NTN1: variants seen among roughly 807,000 people sequenced by gnomAD.
The protein encoded by NTN1 is netrin 1, also known as netrin-1.
NTN1 carries 11 observed loss-of-function variants against 54.2 expected under a neutral mutation model. That is an observed-to-expected ratio of 0.20 (90% CI 0.13 to 0.34). The LOEUF (loss-of-function observed/expected upper bound fraction) is 0.34. Ranked by LOEUF, NTN1 falls within the 10% of genes least tolerant of loss-of-function variation. The pLI is 1.00. For missense variants in NTN1, 740 were observed against 893.1 expected, an observed-to-expected ratio of 0.83 and a Z score of 2.18; for synonymous variants, 371 against 382.0, an observed-to-expected ratio of 0.97 and a Z score of 0.33.
intron 5 of NTN1, among the ~76,000 whole-genome samples, chr17:9,194,355 C>T (rs1010807789): frequency 2.0e-5 from 3 of 152,204 alleles, no homozygotes; most frequent in Non-Finnish European, 4.4e-5. Flanking sequence ...GAAAGTGTTC[C>T]CTGTGTGGTA....
At chr17:9,180,485 C>T (rs2092415570) in intron 4 of NTN1, among the ~76,000 whole-genome samples, 1 of 152,164 alleles carries the variant, frequency 6.6e-6, no homozygotes. Flanking sequence ...GGCTGTCTAT[C>T]CTGACAAACA....
chr17:9,189,948 G>A (rs72811977), intron 5 of NTN1, among the ~76,000 whole-genome samples: 41,238 of 152,102 alleles, frequency 0.27, 6,157 homozygotes, highest in Middle Eastern at 0.45. Context: ...GGTGAGACAG[G>A]GCAGACAAAT....
chr17:9,059,828 C>CAA (rs34556932), intron 2 of NTN1, among the ~76,000 whole-genome samples: 1 of 140,868 alleles, frequency 7.1e-6, no homozygotes, highest in Non-Finnish European at 1.5e-5. Context: ...ACCTCAATTA[C>CAA]AAAAAAAAAA....
intron 3 of NTN1, among the ~76,000 whole-genome samples, chr17:9,170,041 G>C (rs1316234840): frequency 6.6e-6 from 1 of 152,202 alleles, no homozygotes; most frequent in Non-Finnish European, 1.5e-5. Flanking sequence ...GTTGCCAGGA[G>C]AGCACTTATG....
At chr17:9,094,456 A>C (rs1366363523) in intron 2 of NTN1, among the ~76,000 whole-genome samples, 1 of 152,140 alleles carries the variant, frequency 6.6e-6, no homozygotes, top group East Asian at 1.9e-4. Context: ...TGTATGTACG[A>C]ATATAATATG....
At position 9,221,145 on chromosome 17, in the gene NTN1, GCT is replaced by G. The variant is rs978697110; in HGVS notation, c.1412-21_1412-20del. The G allele has an allele frequency of 2.6e-5, 39 of 1,504,196 alleles. No homozygotes were observed. Among genetic ancestry groups the G allele is most frequent in the East Asian group, 1.6e-4 (7 of 43,846 alleles). 93.2% of individuals were successfully genotyped at this position (1,504,196 alleles called of 1,614,324 possible). A position where few individuals can be genotyped will look rare whatever the true frequency, so the allele number is the denominator to read the frequency against. ...GCCAGCCTAATTAGTTTTTGTCTGT[GCT>G]CCCCCCCCACCCCCCTGCAGACTGC... On this transcript the variant is annotated intron_variant, in intron 5 of 6. Coordinates refer to ENST00000173229, the MANE Select transcript of NTN1 (RefSeq NM_004822.3). The surrounding 1 kb of genome is among the most constrained non-coding windows in gnomAD (Gnocchi z 4.5).
intron 5 of NTN1, among the ~76,000 whole-genome samples, chr17:9,184,599 G>A (rs955753713): frequency 1.3e-5 from 2 of 152,154 alleles, no homozygotes; most frequent in African/African-American, 4.8e-5. Flanking sequence ...TCCGAGCAGG[G>A]GCTGTGTGAC....
chr17:9,042,354 G>A (rs368306188), intron 2 of NTN1, among the ~76,000 whole-genome samples: 3 of 151,998 alleles, frequency 2.0e-5, no homozygotes, highest in South Asian at 4.2e-4. Flanking sequence ...GTGTGATGGC[G>A]CGCCTCTCTA....
At chr17:9,081,291 A>C (rs1327135205) in intron 2 of NTN1, among the ~76,000 whole-genome samples, 1 of 152,154 alleles carries the variant, frequency 6.6e-6, no homozygotes, top group East Asian at 1.9e-4. Context: ...GAGTGTGAGG[A>C]GAAGCTGTTT....
At chr17:9,009,980 C>T in the NTN1 span, among the ~76,000 whole-genome samples, 1 of 152,260 alleles carries the variant, frequency 6.6e-6, no homozygotes, top group Non-Finnish European at 1.5e-5. Context: ...CTCTAAGGGC[C>T]GCCTCTGTCC....
intron 2 of NTN1, among the ~76,000 whole-genome samples, chr17:9,117,827 C>G (rs537267051): frequency 3.3e-5 from 5 of 151,038 alleles, no homozygotes; most frequent in Non-Finnish European, 5.9e-5. Flanking sequence ...CCTGCCTCCA[C>G]CACCCAACTG....
chr17:9,201,821 G>A (rs1170008953), intron 5 of NTN1, among the ~76,000 whole-genome samples: 2 of 151,888 alleles, frequency 1.3e-5, no homozygotes, highest in African/African-American at 4.8e-5. Context: ...TCTAAAACTG[G>A]GAAGCAAATA....
At chr17:9,051,321 T>G (rs1177205934) in intron 2 of NTN1, among the ~76,000 whole-genome samples, 2 of 152,176 alleles carry the variant, frequency 1.3e-5, no homozygotes, top group Non-Finnish European at 2.9e-5. Flanking sequence ...ACTCCAGGAA[T>G]GCCAAGAACC....
chr17:9,131,244 C>A lies in NTN1; in HGVS notation c.1019-31569C>A, dbSNP rs951609635. Among the ~76,000 whole-genome samples the A allele has an allele frequency of 2.6e-5, 4 of 152,174 alleles. No homozygotes were observed. The South Asian group carries it at 8.3e-4, about 31-fold the overall frequency. ...AAACCATAACACCTTTTCCAACACTCAGCATACCCTTTCCTCCCTCCTGCC... is the reference window on the plus strand; with the variant it reads ...AAACCATAACACCTTTTCCAACACTAAGCATACCCTTTCCTCCCTCCTGCC... On this transcript the variant is annotated intron_variant, in intron 2 of 6. Coordinates refer to ENST00000173229, the MANE Select transcript of NTN1 (RefSeq NM_004822.3).
At chr17:9,202,931 T>C (rs1904844007) in intron 5 of NTN1, among the ~76,000 whole-genome samples, 1 of 152,152 alleles carries the variant, frequency 6.6e-6, no homozygotes, top group Non-Finnish European at 1.5e-5. Context: ...TTTTATTTTT[T>C]ATTTTTTTGA....
intron 2 of NTN1, among the ~76,000 whole-genome samples, chr17:9,088,637 G>C (rs1252504523): frequency 1.3e-5 from 2 of 152,134 alleles, no homozygotes; most frequent in Non-Finnish European, 2.9e-5. Context: ...AGACCCGGAA[G>C]CCTGGAACAC....
chr17:9,029,468 G>A (rs918015348), intron 2 of NTN1, among the ~76,000 whole-genome samples: 2 of 152,158 alleles, frequency 1.3e-5, no homozygotes, highest in African/African-American at 2.4e-5. Flanking sequence ...CATAAAAGCC[G>A]TGTCCTATTA....
intron 2 of NTN1, among the ~76,000 whole-genome samples, chr17:9,127,897 AC>A (rs1393930311): frequency 6.6e-6 from 1 of 151,286 alleles, no homozygotes; most frequent in Non-Finnish European, 1.5e-5. Flanking sequence ...TGGGTGGATC[AC>A]CTGAGGTCGG....
chr17:9,144,324 C>G (rs760813838), intron 2 of NTN1, among the ~76,000 whole-genome samples: 1 of 152,012 alleles, frequency 6.6e-6, no homozygotes, highest in African/African-American at 2.4e-5. Context: ...GAGTGATCAT[C>G]GTAACATCAA....
Sources: allele counts gnomAD v4.1 joint callset (sites outside exome capture counted in the v4.1 genomes callset), GRCh38; gene constraint gnomAD v4.1.1; non-coding constraint Gnocchi (gnomAD v3.1); transcripts MANE v1.5; gene names NCBI Gene and HGNC (gene_info 2026-07-23, HGNC 2026-07-21).